The following CHMP1A variants were observed in gnomAD, a reference collection of about 807,000 sequenced individuals.
The protein encoded by CHMP1A is charged multivesicular body protein 1A, also known as VPS46 homolog A.
A neutral mutation model predicts 27.0 loss-of-function variants in CHMP1A; 17 were observed. That is an observed-to-expected ratio of 0.63 (90% CI 0.43 to 0.95). The LOEUF (loss-of-function observed/expected upper bound fraction) is 0.95, where lower values mean the gene tolerates loss of function less well. Ranked by LOEUF, CHMP1A falls within the 40% of genes least tolerant of loss-of-function variation. CHMP1A has a pLI of 0.00. For synonymous variants in CHMP1A, 131 were observed against 107.5 expected, an observed-to-expected ratio of 1.22 and a Z score of -1.35; for missense variants, 275 against 264.0, an observed-to-expected ratio of 1.04 and a Z score of -0.29.
Position 89,645,976 on chromosome 16 carries a change from G to A in CHMP1A, c.*90C>T, listed in dbSNP as rs760403388. On this transcript the variant is annotated 3_prime_UTR_variant, in exon 7 of 7. Transcript: ENST00000397901. ...GTGGCTGCCGGCCGCAGCCCCGCGG[G>A]GTCAGCACAAAGGCAAGACGCGGTG... 3 of 1,612,236 alleles carry A rather than the reference G, an allele frequency of 1.9e-6. No individual in the cohort carries two copies. The highest frequency in any genetic ancestry group is 1.7e-6 in the Non-Finnish European group (2 of 1,179,466).
chr16:89,646,369 G>A (rs1413718884), intron 6 of CHMP1A, among the ~76,000 whole-genome samples, 158 bp downstream of exon 6: 1 of 152,216 alleles, frequency 6.6e-6, no homozygotes, highest in South Asian at 2.1e-4. Context: ...GGCTCGCTTG[G>A]GGGCGGCTGC....
chr16:89,648,693 C>A (rs183201209), intron 4 of CHMP1A, among the ~76,000 whole-genome samples: 1 of 151,634 alleles, frequency 6.6e-6, no homozygotes, highest in Non-Finnish European at 1.5e-5. Context: ...GAGTTTGAGA[C>A]CAGAGCGGCC....
chr16:89,652,898 C>A (rs2059835941), intron 2 of CHMP1A, among the ~76,000 whole-genome samples: 1 of 152,166 alleles, frequency 6.6e-6, no homozygotes, highest in South Asian at 2.1e-4. Flanking sequence ...CCGGAAGCTG[C>A]AACCTCCACC....
At chr16:89,651,767 G>T in intron 2 of CHMP1A, 121 bp from the exon 3 acceptor site, 2 of 904,642 alleles carry the variant, frequency 2.2e-6, no homozygotes, top group Non-Finnish European at 3.3e-6. Context: ...GCCCCCATCA[G>T]CCAGCCTGGG....
At chr16:89,649,232 C>A in intron 4 of CHMP1A, 119 bp downstream of exon 4, 1 of 1,202,164 alleles carries the variant, frequency 8.3e-7, no homozygotes, top group East Asian at 2.7e-5. Flanking sequence ...CCTCAACCTC[C>A]CCACCCCGCG....
chr16:89,654,758 C>A (rs191794010), intron 1 of CHMP1A, among the ~76,000 whole-genome samples: 79 of 152,170 alleles, frequency 5.2e-4, no homozygotes, highest in African/African-American at 1.8e-3. Context: ...CTGGCTAACA[C>A]GGTAAAAGCC....
At chr16:89,652,782 T>C (rs969191346) in intron 2 of CHMP1A, among the ~76,000 whole-genome samples, 1 of 151,864 alleles carries the variant, frequency 6.6e-6, no homozygotes, top group Non-Finnish European at 1.5e-5. Context: ...GGCACATCAC[T>C]CCTGCCCAGT....
chr16:89,650,860 G>A (rs914226703), intron 3 of CHMP1A, among the ~76,000 whole-genome samples: 3 of 151,600 alleles, frequency 2.0e-5, no homozygotes, highest in African/African-American at 7.3e-5. Flanking sequence ...TCCTCCTGCA[G>A]ATGGCAAAAT....
intron 3 of CHMP1A, among the ~76,000 whole-genome samples, chr16:89,650,135 C>T (rs998710642): frequency 6.6e-6 from 1 of 152,070 alleles, no homozygotes; most frequent in Admixed American, 6.5e-5. Flanking sequence ...CCTACTTCAC[C>T]GATTACGCAG....
chr16:89,655,815 G>A (rs187099174), intron 1 of CHMP1A, among the ~76,000 whole-genome samples: 3 of 152,120 alleles, frequency 2.0e-5, no homozygotes, highest in South Asian at 2.1e-4. Context: ...TAGAAGAGAC[G>A]GGGTTTCACC....
intron 1 of CHMP1A, among the ~76,000 whole-genome samples, chr16:89,655,487 A>C (rs1597793051): frequency 6.8e-6 from 1 of 146,814 alleles, no homozygotes; most frequent in African/African-American, 2.6e-5. Flanking sequence ...AGCTTTCCTC[A>C]CCTCAGCTTT....
chr16:89,647,561 TG>T, intron 4 of CHMP1A, among the ~76,000 whole-genome samples: 1 of 121,304 alleles, frequency 8.2e-6, no homozygotes, highest in African/African-American at 2.8e-5. Flanking sequence ...GCCGCCGACG[TG>T]GAGACCCAGT....
intron 2 of CHMP1A, 31 bp downstream of exon 2, chr16:89,653,873 G>A (rs754108627): frequency 2.0e-5 from 33 of 1,610,064 alleles, no homozygotes; most frequent in Non-Finnish European, 2.7e-5. Context: ...CACCAGAACA[G>A]GGCTGGGGTG....
intron 1 of CHMP1A, among the ~76,000 whole-genome samples, chr16:89,657,125 T>C (rs144559928): frequency 0.18 from 2,364 of 13,034 alleles, 470 homozygotes; most frequent in East Asian, 0.65. Context: ...GATCTCGGGT[T>C]GGGGGTCGGG....
intron 4 of CHMP1A, 38 bp downstream of exon 4, chr16:89,649,313 C>A: frequency 6.3e-7 from 1 of 1,596,438 alleles, no homozygotes; most frequent in South Asian, 1.1e-5. Flanking sequence ...CTTCAGCCAG[C>A]GAACGCCACC....
At chr16:89,646,861 A>C (rs2059777915) in intron 5 of CHMP1A, 147 bp from the exon 6 acceptor site, 1 of 1,076,786 alleles carries the variant, frequency 9.3e-7, no homozygotes, top group Non-Finnish European at 1.3e-6. Flanking sequence ...TCTCTGTCTC[A>C]CCTTCCACCA....
At chr16:89,649,666 C>G (rs975486677) in intron 3 of CHMP1A, 169 bp from the exon 4 acceptor site, 1 of 739,454 alleles carries the variant, frequency 1.4e-6, no homozygotes, top group Non-Finnish European at 2.2e-6. Flanking sequence ...AGCTCCGCCC[C>G]CCAGGTTCAT....
intron 2 of CHMP1A, 110 bp from the exon 3 acceptor site, chr16:89,651,756 A>T: frequency 2.0e-6 from 2 of 1,001,482 alleles, no homozygotes; most frequent in East Asian, 2.8e-5. Context: ...CAGGTTCCTA[A>T]GCCCCCATCA....
intron 1 of CHMP1A, 146 bp from the exon 2 acceptor site, chr16:89,654,069 C>A (rs943112634): frequency 1.2e-6 from 1 of 854,996 alleles, no homozygotes; most frequent in Non-Finnish European, 2.0e-6. Context: ...CGGGGAGCCC[C>A]CCCCAACAGG....
Sources: gnomAD v4.1 joint callset for allele counts (sites outside exome capture counted in the v4.1 genomes callset) on GRCh38, gnomAD v4.1.1 for gene constraint, MANE v1.5 for transcripts, NCBI Gene and HGNC (gene_info 2026-07-23, HGNC 2026-07-21) for gene names.